MYO19: variants seen among roughly 807,000 people sequenced by gnomAD.
The protein encoded by MYO19 is unconventional myosin-XIX.
A neutral mutation model predicts 129.2 loss-of-function variants in MYO19; 132 were observed. That is an observed-to-expected ratio of 1.02 (90% CI 0.89 to 1.18). The LOEUF (loss-of-function observed/expected upper bound fraction) is 1.18. Among genes scored for constraint, MYO19 ranks in the 50% most tolerant of loss-of-function variants. MYO19 has a pLI of 0.00. For synonymous variants in MYO19, 531 were observed against 477.2 expected, an observed-to-expected ratio of 1.11 and a Z score of -1.47; for missense variants, 1,210 against 1,216.7, an observed-to-expected ratio of 0.99 and a Z score of 0.08.
At chr17:36,531,726 G>A (rs138649203) in intron 3 of MYO19, among the ~76,000 whole-genome samples, 62 of 152,176 alleles carry the variant, frequency 4.1e-4, no homozygotes, top group African/African-American at 1.3e-3. Context: ...GTCTACTATG[G>A]CTCCCTTGAT....
chr17:36,506,929 T>A (rs1194691257), intron 17 of MYO19, 34 bp downstream of exon 17: 1 of 1,525,436 alleles, frequency 6.6e-7, no homozygotes, highest in South Asian at 1.2e-5. Flanking sequence ...ATCTCGTTTC[T>A]CGCAGGCCCC....
chr17:36,530,347 G>A (rs114076172), intron 3 of MYO19, among the ~76,000 whole-genome samples: 2,218 of 151,644 alleles, frequency 0.015, 31 homozygotes, highest in African/African-American at 0.042. Flanking sequence ...TGGGATAATG[G>A]TACCTACCTC....
intron 21 of MYO19, among the ~76,000 whole-genome samples, chr17:36,502,567 A>G (rs1030947779): frequency 6.6e-6 from 1 of 152,184 alleles, no homozygotes. Context: ...TGGTGCCCCC[A>G]GAGTGGTCTC....
At chr17:36,516,174 G>A (rs2072735027) in intron 6 of MYO19, among the ~76,000 whole-genome samples, 184 bp from the exon 7 acceptor site, 3 of 152,148 alleles carry the variant, frequency 2.0e-5, no homozygotes, top group Non-Finnish European at 4.4e-5. Flanking sequence ...TGTAAAATGG[G>A]AGTAGACATC....
In MYO19 at chr17:36,512,911, G is replaced by A. The variant is rs941981516; in HGVS notation, c.894+518C>T. On this transcript the variant is annotated intron_variant, in intron 11 of 25. Transcript: ENST00000614623. The stretch of plus-strand genomic sequence containing the variant: ...CATGTTCCAGAGGACGACGGGGCAC[G>A]GGTTGGGGGAAGACAGAGAGGGTAG... 69 of 967,392 alleles carry A rather than the reference G, an allele frequency of 7.1e-5. 1 individual carries two copies. Among genetic ancestry groups the A allele is most frequent in the South Asian group, 2.5e-4 (15 of 59,310 alleles). 59.9% of individuals were successfully genotyped at this position (967,392 alleles called of 1,614,324 possible).
At position 36,504,925 on chromosome 17, in the gene MYO19, A is replaced by G. The variant is rs183407757; in HGVS notation, c.1905+372T>C. Reference sequence around the variant, plus strand: ...GAGGCTCAGTCTCAAAAAAAAAAAAAAAAAAGAAAAAAATGATACCTCCAG... The same window carrying G: ...GAGGCTCAGTCTCAAAAAAAAAAAAGAAAAAGAAAAAAATGATACCTCCAG... On this transcript the variant is annotated intron_variant, in intron 19 of 25. Coordinates refer to ENST00000614623, the MANE Select transcript of MYO19 (RefSeq NM_001163735.2). 6.8e-3 allele frequency: 1,997 copies of G among 291,614 alleles called. 26 individuals carry two copies. Among genetic ancestry groups the G allele is most frequent in the South Asian group, 0.024 (732 of 30,412 alleles). 18.1% of individuals were successfully genotyped at this position (291,614 alleles called of 1,614,324 possible).
upstream of MYO19, among the ~76,000 whole-genome samples, chr17:36,544,597 C>T (rs1169389767): frequency 6.6e-6 from 1 of 152,236 alleles, no homozygotes; most frequent in Non-Finnish European, 1.5e-5. Flanking sequence ...GCAGATTCCC[C>T]TCTACATAGA....
chr17:36,530,121 G>A (rs1483654747), intron 3 of MYO19, among the ~76,000 whole-genome samples: 1 of 151,036 alleles, frequency 6.6e-6, no homozygotes, highest in African/African-American at 2.4e-5. Flanking sequence ...CAGCACTTAG[G>A]GAGGCCAAGG....
chr17:36,537,206 C>CA (rs759234429), upstream of MYO19: 1 of 1,614,128 alleles, frequency 6.2e-7, no homozygotes, highest in Admixed American at 1.7e-5. Context: ...GTATCCTGTG[C>CA]AGAGGGTTCC....
Position 36,501,114 on chromosome 17 carries a change from G to A in MYO19, c.2202C>T (p.Ala734=). The change falls in exon 22 of 26, where the codon GCC becomes GCT. Residue 734 remains alanine, a synonymous_variant. Transcript: ENST00000614623. ...ITGDSAEAMP[A]PMHCGRTKVF... ...CCTTGGTCCTGCCACAGTGCATGGGGGCTGGCATGGCCTCAGCCGAGTCAC... is the reference window on the plus strand; with the variant it reads ...CCTTGGTCCTGCCACAGTGCATGGGAGCTGGCATGGCCTCAGCCGAGTCAC... 1 of 1,614,022 alleles carries A rather than the reference G, an allele frequency of 6.2e-7. No homozygotes were observed.
At chr17:36,523,866 T>C (rs1029455305) in intron 6 of MYO19, among the ~76,000 whole-genome samples, 1 of 152,214 alleles carries the variant, frequency 6.6e-6, no homozygotes, top group African/African-American at 2.4e-5. Context: ...ATAAAAGATG[T>C]GCAAGTAACT....
Position 36,495,696 on chromosome 17 carries a change from A to ACACTT in MYO19, c.*550_*554dup. The ACACTT allele has an allele frequency of 7.9e-7, 1 of 1,261,538 alleles. No homozygotes were observed. The highest frequency in any genetic ancestry group is 9.9e-7 in the Non-Finnish European group (1 of 1,005,520). 78.1% of individuals were successfully genotyped at this position (1,261,538 alleles called of 1,614,324 possible). A position where few individuals can be genotyped will look rare whatever the true frequency, so the allele number is the denominator to read the frequency against. On this transcript the variant is annotated 3_prime_UTR_variant, in exon 26 of 26. Transcript: ENST00000614623. Reference sequence around the variant, plus strand: ...AGACATCATAAACGATATCAAGCTTACACTTCATATGGAGTTAAACTTGGT... The same window carrying ACACTT: ...AGACATCATAAACGATATCAAGCTTACACTTCACTTCATATGGAGTTAAACTTGGT...
intron 25 of MYO19, among the ~76,000 whole-genome samples, chr17:36,497,021 CTT>C (rs1051907024): frequency 6.6e-6 from 1 of 152,080 alleles, no homozygotes; most frequent in African/African-American, 2.4e-5. Context: ...TGCTGGCTGA[CTT>C]TTCCCTGGAT....
chr17:36,503,989 A>C lies in MYO19; in HGVS notation c.1937T>G (p.Val646Gly), dbSNP rs552225872. 42 of 1,587,420 alleles carry C rather than the reference A, an allele frequency of 2.6e-5. No individual in the cohort carries two copies. The East Asian group carries it at 8.7e-4, about 33-fold the overall frequency. The change falls in exon 20 of 26, where the codon GTG becomes GGG. Residue 646 changes from valine (V) to glycine (G), a missense_variant. Transcript: ENST00000614623. ...AGCAGCACTGATATGGATGGTCTCCACGAGGCCACAGGCCTCCAGCTGGCT... is the reference window on the plus strand; with the variant it reads ...AGCAGCACTGATATGGATGGTCTCCCCGAGGCCACAGGCCTCCAGCTGGCT... ...VLSQLEACGLVETIHISAAGF... is the reference protein window; with the variant it reads ...VLSQLEACGLGETIHISAAGF...
Position 36,508,573 on chromosome 17 carries a change from TG to T in MYO19, c.1231+488del, listed in dbSNP as rs538273247. The T allele has an allele frequency of 1.7e-3, 274 of 163,430 alleles. 2 individuals are homozygous for T. The highest frequency in any genetic ancestry group is 6.3e-3 in the African/African-American group (262 of 41,728). The allele number at this position is 163,430 out of a possible 1,614,324, so 10.1% of individuals were successfully genotyped here. A position where few individuals can be genotyped will look rare whatever the true frequency, so the allele number is the denominator to read the frequency against. On this transcript the variant is annotated intron_variant, in intron 14 of 25. Transcript: ENST00000614623. ...CTCCCACCTCGGTCTCCTGAGTAGCTGGGACTACAGGCATGTAGCACCATGC... is the reference window on the plus strand; with the variant it reads ...CTCCCACCTCGGTCTCCTGAGTAGCTGGACTACAGGCATGTAGCACCATGC...
At chr17:36,539,730 C>G (rs1464235487), upstream of MYO19, among the ~76,000 whole-genome samples, 1 of 152,156 alleles carries the variant, frequency 6.6e-6, no homozygotes, top group Non-Finnish European at 1.5e-5. Flanking sequence ...ATTTAAGAAG[C>G]ACAGCACAAA....
chr17:36,501,463 G>C, intron 21 of MYO19: 1 of 489,612 alleles, frequency 2.0e-6, no homozygotes, highest in Non-Finnish European at 3.6e-6. Context: ...ACTTGCGCCT[G>C]TGTGTCCTGG....
intron 11 of MYO19, chr17:36,512,856 G>T (rs1298709222): frequency 8.3e-7 from 1 of 1,208,324 alleles, no homozygotes; most frequent in Non-Finnish European, 1.1e-6. Context: ...TAGTGTGACT[G>T]AGAGGAGCCC....
rs773467455 is a variant in MYO19 at position 36,496,378 on chromosome 17, G to A, written c.2786C>T (p.Ser929Phe). 6 of 1,614,016 alleles carry A rather than the reference G, an allele frequency of 3.7e-6. No homozygotes were observed. The highest frequency in any genetic ancestry group is 3.3e-5 in the Admixed American group (2 of 60,024). ...GCAGATGTCAGCATACCGCAGTGGA[G>A]ACTTTCTGCAGTGAAACTTTATCGA... ...QGSIKFHCRK[S>F]PLRYADICPE... Residue 929 changes from serine (S) to phenylalanine (F), a missense_variant, in exon 26 of 26, where the codon TCT (serine) becomes TTT (phenylalanine). Coordinates refer to ENST00000614623, the MANE Select transcript of MYO19 (RefSeq NM_001163735.2).
Sources: gnomAD v4.1 joint callset for allele counts (sites outside exome capture counted in the v4.1 genomes callset) on GRCh38, gnomAD v4.1.1 for gene constraint, MANE v1.5 for transcripts, NCBI Gene and HGNC (gene_info 2026-07-23, HGNC 2026-07-21) for gene names.